HSD3B2: variants seen among roughly 807,000 people sequenced by gnomAD.
HSD3B2 encodes hydroxy-delta-5-steroid dehydrogenase, 3 beta- and steroid delta-isomerase 2.
In HSD3B2, 8 loss-of-function variants were observed where a neutral mutation model predicts 9.9. The observed-to-expected ratio is 0.81, with a 90% confidence interval of 0.47 to 1.46. The LOEUF is 1.46. Among genes scored for constraint, HSD3B2 ranks in the 40% most tolerant of loss-of-function variants. The pLI, the probability that HSD3B2 is intolerant of heterozygous loss-of-function variation, is 0.00. For missense variants in HSD3B2, 410 were observed against 448.3 expected, an observed-to-expected ratio of 0.91 and a Z score of 0.77; for synonymous variants, 221 against 184.5, an observed-to-expected ratio of 1.20 and a Z score of -1.60.
intron 3 of HSD3B2, among the ~76,000 whole-genome samples, chr1:119,420,934 T>G (rs587731442): frequency 6.6e-6 from 1 of 152,258 alleles, no homozygotes; most frequent in East Asian, 1.9e-4. Flanking sequence ...ACCCCCACTT[T>G]ATATAACTGG....
intron 3 of HSD3B2, among the ~76,000 whole-genome samples, chr1:119,421,471 ATATATGTAT>A (rs1557869587): frequency 0.4 from 8,133 of 20,232 alleles, 545 homozygotes; most frequent in Middle Eastern, 0.5. Context: ...ATATGTATAT[ATATATGTAT>A]ATATATATTT....
rs776761493 is a variant in HSD3B2, at chr1:119,419,583, G to A, written c.307+1G>A. The A allele has an allele frequency of 1.2e-6, 2 of 1,613,678 alleles. No homozygotes were observed. The highest frequency in any genetic ancestry group is 1.7e-6 in the Non-Finnish European group (2 of 1,179,662). ...TCCATCATGAATGTCAATGTGAAAG[G>A]TACAGTAGCCTGGGGAGGAGATAAA... On this transcript the variant is annotated splice_donor_variant, in intron 3 of 3. Coordinates refer to ENST00000369416, the MANE Select transcript of HSD3B2 (RefSeq NM_000198.4). LOFTEE classifies it high-confidence loss of function.
chr1:119,421,775 T>G, intron 3 of HSD3B2, 34 bp from the exon 4 acceptor site: 1 of 1,612,438 alleles, frequency 6.2e-7, no homozygotes, highest in Non-Finnish European at 8.5e-7. Context: ...TTTGGGATAT[T>G]TCCTGACACT....
chr1:119,415,152 G>C lies in HSD3B2; in HGVS notation c.-140G>C. 4.5e-6 allele frequency: 2 copies of C among 446,964 alleles called. No homozygotes were observed. The highest frequency in any genetic ancestry group is 8.6e-5 in the East Asian group (2 of 23,266). 27.7% of individuals were successfully genotyped at this position (446,964 alleles called of 1,614,324 possible). On this transcript the variant is annotated 5_prime_UTR_variant, in exon 1 of 4. Coordinates refer to ENST00000369416, the MANE Select transcript of HSD3B2 (RefSeq NM_000198.4). ...GCTCCAGTCCTTCCTCCAGGGATGAGGCAGTAAGGACTTGGACTCCTCTGT... is the reference window on the plus strand; with the variant it reads ...GCTCCAGTCCTTCCTCCAGGGATGACGCAGTAAGGACTTGGACTCCTCTGT...
intron 3 of HSD3B2, chr1:119,420,011 G>A (rs1208982003): frequency 7.3e-6 from 2 of 272,658 alleles, no homozygotes; most frequent in Non-Finnish European, 1.4e-5. Context: ...CTTGTGTGTA[G>A]GCTGATGAGA....
chr1:119,420,613 G>A (rs1651833701), intron 3 of HSD3B2, among the ~76,000 whole-genome samples: 1 of 152,158 alleles, frequency 6.6e-6, no homozygotes, highest in Admixed American at 6.5e-5. Flanking sequence ...TCACTCCCGG[G>A]CTTAGAAAAT....
Position 119,422,320 on chromosome 1 carries a change from A to C in HSD3B2, c.819A>C (p.Lys273Asn). 6.2e-7 allele frequency: 1 copy of C among 1,614,182 alleles called. No homozygotes were observed. The highest frequency in any genetic ancestry group is 1.1e-5 in the South Asian group (1 of 91,086). The change falls in exon 4 of 4, where the codon AAA becomes AAC. Residue 273 changes from lysine (K) to asparagine (N), a missense_variant. By Grantham distance (94) the Lys-to-Asn change is moderately conservative. Coordinates refer to ENST00000369416, the MANE Select transcript of HSD3B2 (RefSeq NM_000198.4). ...SYDNLNYILS[K>N]EFGLRLDSRW... ...ATAACCTTAATTACATCCTGAGCAA[A>C]GAGTTTGGCCTCCGCCTTGATTCCA...
Position 119,415,564 on chromosome 1 carries a change from A to C in HSD3B2, c.142+3A>C. 6.2e-7 allele frequency: 1 copy of C among 1,613,648 alleles called. No homozygotes were observed. The highest frequency in any genetic ancestry group is 8.5e-7 in the Non-Finnish European group (1 of 1,179,684). On this transcript the variant is annotated splice_donor_region_variant and intron_variant, in intron 2 of 3. Transcript: ENST00000369416. ...AGAATTGAGAGAGGAATTTTCTAGT[A>C]AGTAAACTTGAGTCATGGGTCTGTG...
At position 119,422,948 on chromosome 1, in the gene HSD3B2, G is replaced by A. The variant is rs1651937915; in HGVS notation, c.*328G>A. 1 of 457,342 alleles carries A rather than the reference G, an allele frequency of 2.2e-6. No individual in the cohort carries two copies. The highest frequency in any genetic ancestry group is 4.0e-6 in the Non-Finnish European group (1 of 252,078). The allele number at this position is 457,342 out of a possible 1,614,324, so 28.3% of individuals were successfully genotyped here. Reference sequence around the variant, plus strand: ...TAGAGCTCCATTTCCCCTCTTAAATGAGAAAGCATTTCTTTTCTCTTTAAT... The same window carrying A: ...TAGAGCTCCATTTCCCCTCTTAAATAAGAAAGCATTTCTTTTCTCTTTAAT... On this transcript the variant is annotated 3_prime_UTR_variant, in exon 4 of 4. Coordinates refer to ENST00000369416, the MANE Select transcript of HSD3B2 (RefSeq NM_000198.4).
At chr1:119,421,141 T>C (rs1310786107) in intron 3 of HSD3B2, among the ~76,000 whole-genome samples, 1 of 151,898 alleles carries the variant, frequency 6.6e-6, no homozygotes, top group Non-Finnish European at 1.5e-5. Context: ...TAAGAGTGTA[T>C]ATTGCCTATA....
chr1:119,415,082 G>A (rs1651666806), upstream of HSD3B2: 7 of 354,410 alleles, frequency 2.0e-5, no homozygotes, highest in Non-Finnish European at 3.3e-5. Flanking sequence ...TATGTGGCAG[G>A]AGTTCAAGGT....
chr1:119,419,313 C>T (rs939893926), intron 2 of HSD3B2, 105 bp from the exon 3 acceptor site: 5 of 1,061,590 alleles, frequency 4.7e-6, no homozygotes, highest in Non-Finnish European at 7.2e-6. Flanking sequence ...CACTCTAATA[C>T]CCACACTCTA....
In HSD3B2 at chr1:119,422,654, G is replaced by T. The variant is rs752317712; in HGVS notation, c.*34G>T. On this transcript the variant is annotated 3_prime_UTR_variant, in exon 4 of 4. Transcript: ENST00000369416. ...TGACAGAGATGTGCATGTGGGTATT[G>T]TTAGGAAATGTCATCAAACTCCACC... 20 of 1,610,600 alleles carry T rather than the reference G, an allele frequency of 1.2e-5. No individual in the cohort carries two copies. The highest frequency in any genetic ancestry group is 2.0e-4 in the Middle Eastern group (1 of 4,938).
rs751098735 is a variant in HSD3B2, at chr1:119,415,572, T to A, written c.142+11T>A. On this transcript the variant is annotated intron_variant, in intron 2 of 3. Coordinates refer to ENST00000369416, the MANE Select transcript of HSD3B2 (RefSeq NM_000198.4). The stretch of plus-strand genomic sequence containing the variant: ...GAGAGGAATTTTCTAGTAAGTAAAC[T>A]TGAGTCATGGGTCTGTGGCTCCATC... 3 of 1,613,442 alleles carry A rather than the reference T, an allele frequency of 1.9e-6. No homozygotes were observed. The highest frequency in any genetic ancestry group is 2.5e-6 in the Non-Finnish European group (3 of 1,179,628).
chr1:119,417,405 C>T (rs1423721746), intron 2 of HSD3B2: 2 of 152,200 alleles, frequency 1.3e-5, no homozygotes, highest in Admixed American at 1.3e-4. Context: ...CATTTTCTAT[C>T]GGCTTTGGAC....
rs141535000 is a variant in HSD3B2 at position 119,421,494 on chromosome 1, A to AAT, written c.308-299_308-298dup. Among the ~76,000 whole-genome samples, 61 of 108,434 alleles carry AAT rather than the reference A, an allele frequency of 5.6e-4. 3 individuals are homozygous for AAT. The highest frequency in any genetic ancestry group is 2.8e-3 in the South Asian group (9 of 3,226). The allele number at this position is 108,434 out of a possible 152,430, so 71.1% of individuals were successfully genotyped here. On this transcript the variant is annotated intron_variant, in intron 3 of 3. Coordinates refer to ENST00000369416, the MANE Select transcript of HSD3B2 (RefSeq NM_000198.4). ...ATATATATGTATATATATATTTTATAATATATATATATATATACACACACG... is the reference window on the plus strand; with the variant it reads ...ATATATATGTATATATATATTTTATAATATATATATATATATATACACACACG...
intron 2 of HSD3B2, among the ~76,000 whole-genome samples, chr1:119,418,372 C>G (rs919125268): frequency 1.3e-5 from 2 of 152,158 alleles, no homozygotes; most frequent in African/African-American, 4.8e-5. Context: ...TCCTTTTCCT[C>G]TCATCCCAGC....
In HSD3B2 at chr1:119,422,365, C is replaced by A; in HGVS notation, c.864C>A (p.Thr288=). 1 of 1,614,160 alleles carries A rather than the reference C, an allele frequency of 6.2e-7. No individual in the cohort carries two copies. The highest frequency in any genetic ancestry group is 8.5e-7 in the Non-Finnish European group (1 of 1,180,000). Reference sequence around the variant, plus strand: ...ATTCCAGATGGAGCCTTCCTTTAACCCTGATGTACTGGATTGGCTTCCTGC... The same window carrying A: ...ATTCCAGATGGAGCCTTCCTTTAACACTGATGTACTGGATTGGCTTCCTGC... ...RLDSRWSLPL[T]LMYWIGFLLE... Residue 288 remains threonine, a synonymous_variant, in exon 4 of 4, where the codon ACC becomes ACA. Coordinates refer to ENST00000369416, the MANE Select transcript of HSD3B2 (RefSeq NM_000198.4).
chr1:119,419,946 G>T (rs779132192), intron 3 of HSD3B2: 9 of 328,376 alleles, frequency 2.7e-5, no homozygotes, highest in Non-Finnish European at 4.1e-5. Flanking sequence ...CTACTCCTTG[G>T]CTCCCCGGGC....
Sources: gnomAD v4.1 joint callset for allele counts (sites outside exome capture counted in the v4.1 genomes callset) on GRCh38, gnomAD v4.1.1 for gene constraint, MANE v1.5 for transcripts, NCBI Gene and HGNC (gene_info 2026-07-23, HGNC 2026-07-21) for gene names.